LNX1: variants seen among roughly 807,000 people sequenced by gnomAD.
The protein encoded by LNX1 is ligand of numb-protein X 1.
LNX1 carries 54 observed loss-of-function variants against 68.4 expected under a neutral mutation model. The ratio of observed to expected loss-of-function variants is 0.79; its 90% CI spans 0.63 to 0.99. The LOEUF is 0.99. Among genes scored for constraint, LNX1 ranks in the 50% least tolerant of loss-of-function variants. The pLI is 0.00. For synonymous variants in LNX1, 336 were observed against 350.0 expected (o/e 0.96, Z 0.45); for missense variants, 906 against 926.4 (o/e 0.98, Z 0.29).
At chr4:53,529,046 A>G (rs1727831874) in intron 2 of LNX1, among the ~76,000 whole-genome samples, 2 of 149,548 alleles carry the variant, frequency 1.3e-5, no homozygotes, top group South Asian at 4.4e-4. Flanking sequence ...TTTTCAGTTC[A>G]TGAACCATTC....
At chr4:53,566,870 T>G (rs1426553038) in intron 2 of LNX1, among the ~76,000 whole-genome samples, 2 of 151,682 alleles carry the variant, frequency 1.3e-5, no homozygotes, top group Non-Finnish European at 2.9e-5. Context: ...TAAAACAGAC[T>G]TTAAACCAAC....
chr4:53,519,438 GT>G (rs36120084), intron 2 of LNX1, among the ~76,000 whole-genome samples: 33,267 of 128,462 alleles, frequency 0.26, 4,459 homozygotes, highest in Non-Finnish European at 0.34. Flanking sequence ...TTTGTTCAGT[GT>G]TTTTTTTTTT....
chr4:53,474,420 G>A (rs1029722922), intron 9 of LNX1, among the ~76,000 whole-genome samples: 2 of 152,162 alleles, frequency 1.3e-5, no homozygotes, highest in African/African-American at 4.8e-5. Context: ...CACCACAACA[G>A]CAGAAATGAG....
chr4:53,561,859 C>T lies in LNX1; in HGVS notation c.380+11764G>A, dbSNP rs530610814. On this transcript the variant is annotated intron_variant, in intron 2 of 10. Transcript: ENST00000263925. Reference sequence around the variant, plus strand: ...TTTTTAGAAAATAAGAGAGTAGGTGCAGCAAACCATCATGACACACATACA... The same window carrying T: ...TTTTTAGAAAATAAGAGAGTAGGTGTAGCAAACCATCATGACACACATACA... Among the ~76,000 whole-genome samples the T allele has an allele frequency of 6.6e-5, 10 of 152,092 alleles. No homozygotes were observed. The South Asian group carries it at 2.1e-3, about 32-fold the overall frequency.
intron 6 of LNX1, among the ~76,000 whole-genome samples, chr4:53,484,800 G>A (rs928556444): frequency 6.6e-6 from 1 of 152,064 alleles, no homozygotes; most frequent in African/African-American, 2.4e-5. Context: ...ATGGATGATC[G>A]GCCAGGTGAG....
At chr4:53,567,457 G>A (rs1163339290) in intron 2 of LNX1, among the ~76,000 whole-genome samples, 1 of 152,012 alleles carries the variant, frequency 6.6e-6, no homozygotes, top group Non-Finnish European at 1.5e-5. Flanking sequence ...TGAGAACAAA[G>A]ACACAACATA....
At chr4:53,594,808 C>T (rs1444603050), upstream of LNX1, among the ~76,000 whole-genome samples, 24 of 151,974 alleles carry the variant, frequency 1.6e-4, no homozygotes, top group Non-Finnish European at 3.4e-4. Flanking sequence ...ACCTCCTGGG[C>T]TCAAGTGATC....
chr4:53,497,710 T>C (rs910726730), intron 5 of LNX1, among the ~76,000 whole-genome samples: 2 of 152,242 alleles, frequency 1.3e-5, no homozygotes, highest in Admixed American at 6.5e-5. Flanking sequence ...GAGGCAGCAG[T>C]GCACAGTGTA....
intron 2 of LNX1, among the ~76,000 whole-genome samples, chr4:53,519,056 C>T (rs1403172102): frequency 6.6e-6 from 1 of 152,158 alleles, no homozygotes; most frequent in African/African-American, 2.4e-5. Context: ...TTGCTGCATG[C>T]CTCATAGGTC....
chr4:53,573,615 G>A lies in LNX1; in HGVS notation c.380+8C>T, dbSNP rs1731302227. On this transcript the variant is annotated splice_region_variant and intron_variant, in intron 2 of 10. Coordinates refer to ENST00000263925, the MANE Select transcript of LNX1 (RefSeq NM_001126328.3). ...TGGGACTTACCGGCTCGCTGATGGGGGACCTACCTGGTTTGAAAGTGATGC... is the reference window on the plus strand; with the variant it reads ...TGGGACTTACCGGCTCGCTGATGGGAGACCTACCTGGTTTGAAAGTGATGC... 1 of 1,593,892 alleles carries A rather than the reference G, an allele frequency of 6.3e-7. No homozygotes were observed. The highest frequency in any genetic ancestry group is 8.5e-7 in the Non-Finnish European group (1 of 1,169,988).
upstream of LNX1, among the ~76,000 whole-genome samples, chr4:53,593,243 G>C (rs1732597118): frequency 6.6e-6 from 1 of 152,252 alleles, no homozygotes; most frequent in Non-Finnish European, 1.5e-5. Context: ...TGGGCAAGGG[G>C]GAGGGGAGGG....
intron 6 of LNX1, among the ~76,000 whole-genome samples, chr4:53,491,791 A>T (rs1724691165): frequency 1.4e-5 from 1 of 73,558 alleles, no homozygotes; most frequent in Non-Finnish European, 3.4e-5. Flanking sequence ...AGGATACGAT[A>T]CTTTTTTTTG....
At chr4:53,489,753 A>G (rs1724556337) in intron 6 of LNX1, among the ~76,000 whole-genome samples, 1 of 152,184 alleles carries the variant, frequency 6.6e-6, no homozygotes, top group African/African-American at 2.4e-5. Context: ...GATAAAAATC[A>G]CTTGGACTTT....
chr4:53,494,317 C>T (rs1403505078), intron 6 of LNX1, among the ~76,000 whole-genome samples: 2 of 152,142 alleles, frequency 1.3e-5, no homozygotes, highest in South Asian at 2.1e-4. Context: ...TGAGGCCTCC[C>T]GAGCCATGTG....
At chr4:53,517,509 C>T (rs1376526457) in intron 2 of LNX1, among the ~76,000 whole-genome samples, 1 of 152,148 alleles carries the variant, frequency 6.6e-6, no homozygotes, top group Admixed American at 6.5e-5. Flanking sequence ...AACTTCTATT[C>T]ATAGAATTCC....
At chr4:53,575,617 C>A in intron 1 of LNX1, 1 of 1,309,066 alleles carries the variant, frequency 7.6e-7, no homozygotes. Context: ...TGGGACCAGG[C>A]CCGCTTTTGG....
At chr4:53,461,143 A>C (rs931244520) in intron 10 of LNX1, 101 bp from the exon 11 acceptor site, 1 of 949,418 alleles carries the variant, frequency 1.1e-6, no homozygotes, top group Non-Finnish European at 1.5e-6. Flanking sequence ...ACATCTGACC[A>C]TTTTAATTAT....
At chr4:53,533,965 C>T (rs1487334335) in intron 2 of LNX1, among the ~76,000 whole-genome samples, 1 of 152,240 alleles carries the variant, frequency 6.6e-6, no homozygotes, top group Non-Finnish European at 1.5e-5. Context: ...CCAACTGACA[C>T]ATCAAGGTGC....
chr4:53,479,381 G>T (rs965397844), intron 7 of LNX1, among the ~76,000 whole-genome samples: 2 of 152,226 alleles, frequency 1.3e-5, no homozygotes, highest in East Asian at 1.9e-4. Context: ...TGCTTACCAG[G>T]CAGCCTTGCC....
Sources: gnomAD v4.1 joint callset for allele counts (sites outside exome capture counted in the v4.1 genomes callset) on GRCh38, gnomAD v4.1.1 for gene constraint, MANE v1.5 for transcripts, NCBI Gene and HGNC (gene_info 2026-07-23, HGNC 2026-07-21) for gene names.